ICE1: variants seen among roughly 807,000 people sequenced by gnomAD.
ICE1 encodes the protein interactor of little elongation complex ELL subunit 1.
In ICE1, 64 loss-of-function variants were observed where a neutral mutation model predicts 192.7. That is an observed-to-expected ratio of 0.33 (90% confidence interval 0.27 to 0.41). The LOEUF is 0.41. ICE1 is among the 10% of genes least tolerant of loss of function. The pLI is 1.00. For synonymous variants in ICE1, 1,010 were observed against 984.5 expected (o/e 1.03, Z -0.49); for missense variants, 2,708 against 2,696.0 (o/e 1.00, Z -0.10).
rs1307199713 is a variant in ICE1 at position 5,486,835 on chromosome 5, A to G, written c.6619+16A>G. On this transcript the variant is annotated intron_variant, in intron 18 of 18. Coordinates refer to ENST00000296564, the MANE Select transcript of ICE1 (RefSeq NM_015325.3). ...CACGATGAAGGTAAAACTTACATCT[A>G]TTAAAATTACTTTTAAGTAACTTGT... 8 of 1,547,126 alleles carry G rather than the reference A, an allele frequency of 5.2e-6. No homozygotes were observed. The African/African-American group carries it at 9.5e-5, about 18-fold the overall frequency.
intron 3 of ICE1, 140 bp downstream of exon 3, chr5:5,437,254 C>A: frequency 1.6e-6 from 1 of 610,904 alleles, no homozygotes; most frequent in Non-Finnish European, 2.9e-6. Flanking sequence ...GTCTCACAAG[C>A]ACAGTAAACA....
At chr5:5,473,041 A>T (rs1444296383) in intron 15 of ICE1, among the ~76,000 whole-genome samples, 1 of 152,224 alleles carries the variant, frequency 6.6e-6, no homozygotes, top group Non-Finnish European at 1.5e-5. Context: ...AGCAGTAAAA[A>T]GAAGTTCAAA....
At chr5:5,454,667 T>C in intron 11 of ICE1, 29 bp downstream of exon 11, 2 of 1,559,986 alleles carry the variant, frequency 1.3e-6, no homozygotes, top group Non-Finnish European at 1.8e-6. Flanking sequence ...GAAACCGATT[T>C]CATATGTGAA....
Position 5,460,488 on chromosome 5 carries a change from T to G in ICE1, c.1154T>G (p.Leu385Arg). ...TCCAGCGATAATGACTCAGTCCAGC[T>G]TAGAAATTCTGCTGAGTGTGTTTCA... Reference protein sequence around the residue: ...TDSSDNDSVQLRNSAECVSED... With the variant: ...TDSSDNDSVQRRNSAECVSED... Residue 385 changes from leucine to arginine, a missense_variant, in exon 13 of 19, where the codon CTT (leucine) becomes CGT (arginine). Transcript: ENST00000296564. 1 of 1,611,482 alleles carries G rather than the reference T, an allele frequency of 6.2e-7. No individual in the cohort carries two copies. Among genetic ancestry groups the G allele is most frequent in the South Asian group, 1.1e-5 (1 of 90,500 alleles).
chr5:5,464,767 C>T lies in ICE1; in HGVS notation c.5433C>T (p.Ser1811=), dbSNP rs751732174. 6.2e-7 allele frequency: 1 copy of T among 1,613,742 alleles called. No homozygotes were observed. Among genetic ancestry groups the T allele is most frequent in the South Asian group, 1.1e-5 (1 of 90,974 alleles). ...CAACTGCTTTTGTCAAAACTGGGAG[C>T]AGCTCTGGTGGTGACTGTAACCAAG... The part of the protein sequence containing the change: ...SAATAFVKTG[S]SSGGDCNQDK... Residue 1811 remains serine (S), a synonymous_variant, in exon 13 of 19, where the codon AGC becomes AGT. Coordinates refer to ENST00000296564, the MANE Select transcript of ICE1 (RefSeq NM_015325.3). The surrounding 1 kb of genome is among the most constrained non-coding windows in gnomAD (Gnocchi z 4.0).
chr5:5,448,873 T>G (rs908915732), intron 10 of ICE1, among the ~76,000 whole-genome samples: 5 of 152,228 alleles, frequency 3.3e-5, no homozygotes, highest in Non-Finnish European at 7.3e-5. Flanking sequence ...TAGATATGAT[T>G]CCATGTGCTT....
chr5:5,439,290 G>A (rs1363622352), intron 3 of ICE1, among the ~76,000 whole-genome samples: 2 of 152,126 alleles, frequency 1.3e-5, no homozygotes, highest in Middle Eastern at 3.4e-3. Flanking sequence ...TTTTATGAAC[G>A]TACATGTCCT....
chr5:5,465,150 T>TG lies in ICE1; in HGVS notation c.5819dup (p.Asn1941LysfsTer18). 1 of 1,609,470 alleles carries TG rather than the reference T, an allele frequency of 6.2e-7. No individual in the cohort carries two copies. Among genetic ancestry groups the TG allele is most frequent in the Admixed American group, 1.7e-5 (1 of 59,332 alleles). On this transcript the variant is annotated frameshift_variant, in exon 13 of 19. Coordinates refer to ENST00000296564, the MANE Select transcript of ICE1 (RefSeq NM_015325.3). LOFTEE classifies it high-confidence loss of function. ...CCTGTCATTCGTAGTCATGTGTATG[T>TG]GGGAAATATCTCCAAAAAGCCCGTA...
At chr5:5,487,239 G>A (rs538722198) in intron 18 of ICE1, among the ~76,000 whole-genome samples, 3 of 152,164 alleles carry the variant, frequency 2.0e-5, no homozygotes, top group Admixed American at 6.5e-5. Context: ...TAGCATCAAG[G>A]GGGGAGAGCT....
chr5:5,467,867 T>G (rs1447500956), intron 14 of ICE1, among the ~76,000 whole-genome samples: 1 of 152,264 alleles, frequency 6.6e-6, no homozygotes, highest in Non-Finnish European at 1.5e-5. Flanking sequence ...CTTATGAAAT[T>G]AAAACATTCA....
At chr5:5,450,212 A>T (rs1307424463) in intron 10 of ICE1, among the ~76,000 whole-genome samples, 1 of 152,214 alleles carries the variant, frequency 6.6e-6, no homozygotes, top group Non-Finnish European at 1.5e-5. Context: ...AAAGTCTAAG[A>T]ACATGTCCAT....
At chr5:5,484,843 T>G (rs960273338) in intron 17 of ICE1, among the ~76,000 whole-genome samples, 1 of 152,190 alleles carries the variant, frequency 6.6e-6, no homozygotes, top group Non-Finnish European at 1.5e-5. Flanking sequence ...AGAGAGAATG[T>G]GAACACAGAA....
intron 2 of ICE1, among the ~76,000 whole-genome samples, chr5:5,436,736 G>A (rs1737882230): frequency 6.6e-6 from 1 of 152,122 alleles, no homozygotes; most frequent in South Asian, 2.1e-4. Context: ...TCTGTTTTCT[G>A]TCTTCAAAGC....
rs771564343 is a variant in ICE1 at position 5,464,936 on chromosome 5, C to T, written c.5602C>T (p.His1868Tyr). 1 of 1,613,538 alleles carries T rather than the reference C, an allele frequency of 6.2e-7. No homozygotes were observed. Among genetic ancestry groups the T allele is most frequent in the Non-Finnish European group, 8.5e-7 (1 of 1,179,688 alleles). ...ETRGVTAEGI[H>Y]KNLPGNLPPA... ...CAGGGGAGTCACTGCAGAAGGAATC[C>T]ACAAAAACCTCCCAGGGAACCTCCC... is the stretch of plus-strand genomic sequence containing the variant. The change falls in exon 13 of 19, where the codon CAC becomes TAC. Residue 1868 changes from histidine (H) to tyrosine (Y), a missense_variant. Transcript: ENST00000296564. The surrounding 1 kb of genome is among the most constrained non-coding windows in gnomAD (Gnocchi z 4.0).
At chr5:5,485,034 G>T (rs750459001) in intron 17 of ICE1, among the ~76,000 whole-genome samples, 4 of 151,992 alleles carry the variant, frequency 2.6e-5, no homozygotes, top group Non-Finnish European at 4.4e-5. Context: ...GAGTGTAGGG[G>T]AATGGGGGGA....
Position 5,423,004 on chromosome 5 carries a change from A to G in ICE1, c.84+5A>G, listed in dbSNP as rs1365364720. On this transcript the variant is annotated splice_donor_5th_base_variant and intron_variant, in intron 1 of 18. Coordinates refer to ENST00000296564, the MANE Select transcript of ICE1 (RefSeq NM_015325.3). ...GGCTGCGCCTCTCTGCAGCAGGTGC[A>G]GCACCTCCCGGGGCCCCGGGCGCGG... 1 of 1,402,148 alleles carries G rather than the reference A, an allele frequency of 7.1e-7. No homozygotes were observed. The highest frequency in any genetic ancestry group is 2.7e-5 in the Admixed American group (1 of 36,462). The allele number at this position is 1,402,148 out of a possible 1,614,324, so 86.9% of individuals were successfully genotyped here. A position where few individuals can be genotyped will look rare whatever the true frequency, so the allele number is the denominator to read the frequency against.
intron 17 of ICE1, among the ~76,000 whole-genome samples, chr5:5,478,407 T>C (rs572883955): frequency 6.6e-6 from 1 of 152,304 alleles, no homozygotes; most frequent in Non-Finnish European, 1.5e-5. Flanking sequence ...TTACAAGGGA[T>C]GTGAAGGACC....
chr5:5,479,043 G>A (rs1739422972), intron 17 of ICE1, among the ~76,000 whole-genome samples: 1 of 152,138 alleles, frequency 6.6e-6, no homozygotes, highest in African/African-American at 2.4e-5. Context: ...CATGGGCAAA[G>A]ACTTCATGAC....
At chr5:5,452,581 A>G (rs376712648) in intron 10 of ICE1, among the ~76,000 whole-genome samples, 3 of 152,156 alleles carry the variant, frequency 2.0e-5, no homozygotes, top group East Asian at 1.9e-4. Flanking sequence ...ATAAAGATGT[A>G]AAATTTCCCC....
Sources: gnomAD v4.1 joint callset for allele counts (sites outside exome capture counted in the v4.1 genomes callset) on GRCh38, gnomAD v4.1.1 for gene constraint, Gnocchi (gnomAD v3.1) non-coding constraint, MANE v1.5 for transcripts, NCBI Gene and HGNC (gene_info 2026-07-23, HGNC 2026-07-21) for gene names.